CTNND2: variants seen among roughly 807,000 people sequenced by gnomAD.
CTNND2 encodes catenin delta-2.
CTNND2 carries 22 observed loss-of-function variants against 144.4 expected under a neutral mutation model. The observed-to-expected ratio is 0.15, with a 90% CI of 0.11 to 0.22. CTNND2 has a LOEUF of 0.22. CTNND2 is among the 10% of genes least tolerant of loss of function. The pLI is 1.00. For synonymous variants in CTNND2, 751 were observed against 695.6 expected, an observed-to-expected ratio of 1.08 and a Z score of -1.25; for missense variants, 1,353 against 1,618.8, an observed-to-expected ratio of 0.84 and a Z score of 2.82.
At chr5:11,470,456 A>G (rs563723208) in intron 3 of CTNND2, among the ~76,000 whole-genome samples, 117 of 152,118 alleles carry the variant, frequency 7.7e-4, no homozygotes, top group Non-Finnish European at 1.5e-3. Context: ...AATTGAGAAG[A>G]TAGTACAGAG....
chr5:11,322,246 C>T lies in CTNND2; in HGVS notation c.1628+24126G>A, dbSNP rs376740305. Among the ~76,000 whole-genome samples the T allele has an allele frequency of 4.4e-4, 67 of 152,228 alleles. 1 individual carries two copies. In the South Asian group the frequency reaches 0.013, roughly 30 times the overall value. The stretch of plus-strand genomic sequence containing the variant: ...TGCTCAGCCTCCCATGATATCAGTG[C>T]CCAGCATTTTCACTTCATGTGTTGC... On this transcript the variant is annotated intron_variant, in intron 9 of 21. Transcript: ENST00000304623.
chr5:11,683,771 C>A (rs1054943736), intron 2 of CTNND2, among the ~76,000 whole-genome samples: 1 of 152,352 alleles, frequency 6.6e-6, no homozygotes, highest in East Asian at 1.9e-4. Context: ...TCTGTTGACA[C>A]CCTATGGAGA....
In CTNND2 at chr5:11,279,480, A is replaced by G. The variant is rs146783862; in HGVS notation, c.1629-42657T>C. 6.5e-3 allele frequency among the ~76,000 whole-genome samples: 994 copies of G among 152,088 alleles called. 10 individuals are homozygous for G. Among genetic ancestry groups the G allele is most frequent in the African/African-American group, 0.023 (951 of 41,482 alleles). ...TCCATATTACTTCAACAGCCTCCCA[A>G]TTGGTCTTCCTGCTTCTGATCTTAC... On this transcript the variant is annotated intron_variant, in intron 9 of 21. Coordinates refer to ENST00000304623, the MANE Select transcript of CTNND2 (RefSeq NM_001332.4).
chr5:11,853,683 C>T (rs977363531), intron 1 of CTNND2, among the ~76,000 whole-genome samples: 4 of 152,172 alleles, frequency 2.6e-5, no homozygotes, highest in Non-Finnish European at 5.9e-5. Flanking sequence ...TTCTCCTTCT[C>T]ATTTGGTGCC....
At chr5:11,516,909 C>T (rs181307660) in intron 3 of CTNND2, among the ~76,000 whole-genome samples, 8 of 152,256 alleles carry the variant, frequency 5.3e-5, no homozygotes, top group Middle Eastern at 3.4e-3. Context: ...AGAACTCACA[C>T]GTCTCAATTT....
chr5:11,423,362 G>C (rs1762522311), intron 3 of CTNND2, among the ~76,000 whole-genome samples: 1 of 152,192 alleles, frequency 6.6e-6, no homozygotes, highest in Non-Finnish European at 1.5e-5. Context: ...GCATCTCTCA[G>C]GTGGATTATC....
intron 6 of CTNND2, among the ~76,000 whole-genome samples, chr5:11,395,772 C>A (rs924733865): frequency 6.6e-6 from 1 of 152,210 alleles, no homozygotes; most frequent in Non-Finnish European, 1.5e-5. Flanking sequence ...GTTTCTGGCA[C>A]AGTAATTTAA....
intron 11 of CTNND2, among the ~76,000 whole-genome samples, chr5:11,181,408 G>A (rs1382724218): frequency 1.3e-5 from 2 of 152,128 alleles, no homozygotes; most frequent in African/African-American, 2.4e-5. Flanking sequence ...CACTTTGCCC[G>A]GGAAGCAGCA....
intron 9 of CTNND2, among the ~76,000 whole-genome samples, chr5:11,336,565 CA>C (rs1440533900): frequency 6.6e-6 from 1 of 152,112 alleles, no homozygotes; most frequent in Non-Finnish European, 1.5e-5. Context: ...CCCTTTGTAG[CA>C]TTAACAAACA....
intron 2 of CTNND2, chr5:11,589,153 T>C (rs897694240): frequency 2.2e-6 from 1 of 458,704 alleles, no homozygotes; most frequent in Non-Finnish European, 2.9e-6. Context: ...CCCATTGGCA[T>C]TATTTATGCA....
intron 3 of CTNND2, among the ~76,000 whole-genome samples, chr5:11,435,923 C>T (rs1350346342): frequency 6.6e-6 from 1 of 152,102 alleles, no homozygotes; most frequent in Non-Finnish European, 1.5e-5. Flanking sequence ...TGCTTGAGTG[C>T]TTACTGATGG....
At chr5:11,838,981 G>A (rs1794318003) in intron 1 of CTNND2, among the ~76,000 whole-genome samples, 1 of 152,196 alleles carries the variant, frequency 6.6e-6, no homozygotes, top group South Asian at 2.1e-4. Flanking sequence ...TGGAAATAAA[G>A]TGGTAGAATG....
intron 2 of CTNND2, among the ~76,000 whole-genome samples, chr5:11,643,652 C>T (rs189348042): frequency 6.6e-6 from 1 of 151,982 alleles, no homozygotes; most frequent in Non-Finnish European, 1.5e-5. Flanking sequence ...AGCTTTATAA[C>T]AGAAACTTGT....
intron 1 of CTNND2, among the ~76,000 whole-genome samples, chr5:11,740,835 A>T (rs1219223889): frequency 1.3e-5 from 2 of 152,184 alleles, no homozygotes; most frequent in African/African-American, 4.8e-5. Flanking sequence ...AACTCAAACA[A>T]ATTTACAAGA....
At chr5:11,456,410 T>C (rs544629026) in intron 3 of CTNND2, among the ~76,000 whole-genome samples, 2 of 152,234 alleles carry the variant, frequency 1.3e-5, no homozygotes, top group East Asian at 3.9e-4. Context: ...ATATTTCATT[T>C]ACAGCAACAC....
intron 9 of CTNND2, among the ~76,000 whole-genome samples, chr5:11,304,553 C>G (rs1472306174): frequency 1.3e-5 from 2 of 152,152 alleles, no homozygotes; most frequent in Non-Finnish European, 2.9e-5. Context: ...TATAAAACTA[C>G]AAATATAAAA....
intron 1 of CTNND2, among the ~76,000 whole-genome samples, chr5:11,814,362 T>C (rs552997353): frequency 1.3e-5 from 2 of 152,378 alleles, no homozygotes; most frequent in Non-Finnish European, 2.9e-5. Context: ...AATTAAAACA[T>C]GTGGTAGAGG....
intron 10 of CTNND2, among the ~76,000 whole-genome samples, chr5:11,208,962 C>A (rs927682721): frequency 6.6e-6 from 1 of 151,998 alleles, no homozygotes; most frequent in African/African-American, 2.4e-5. Flanking sequence ...TTCCTAATTA[C>A]CAGTGACGTT....
At chr5:11,554,589 C>G (rs1776053911) in intron 3 of CTNND2, among the ~76,000 whole-genome samples, 1 of 152,112 alleles carries the variant, frequency 6.6e-6, no homozygotes, top group Non-Finnish European at 1.5e-5. Flanking sequence ...ATGGTATAAT[C>G]TATCTAACCC....
Sources: allele counts gnomAD v4.1 joint callset (sites outside exome capture counted in the v4.1 genomes callset), GRCh38; gene constraint gnomAD v4.1.1; transcripts MANE v1.5; gene names NCBI Gene and HGNC (gene_info 2026-07-23, HGNC 2026-07-21).